The following RYR2 variants were observed in gnomAD, a reference collection of about 807,000 sequenced individuals.
RYR2 encodes cardiac muscle ryanodine receptor-calcium release channel.
In RYR2, 227 loss-of-function variants were observed where a neutral mutation model predicts 601.1. That is an observed-to-expected ratio of 0.38 (90% CI 0.34 to 0.42). RYR2 has a LOEUF of 0.42. Ranked by LOEUF, RYR2 falls within the 10% of genes least tolerant of loss-of-function variation. The pLI is 1.00. For synonymous variants in RYR2, 2,223 were observed against 2,175.1 expected (o/e 1.02, Z -0.61); for missense variants, 4,646 against 6,156.5 (o/e 0.75, Z 8.21).
intron 1 of RYR2, among the ~76,000 whole-genome samples, chr1:237,257,765 G>A (rs1417570431): frequency 6.6e-6 from 1 of 152,144 alleles, no homozygotes; most frequent in East Asian, 1.9e-4. Context: ...AAGGAAGGTA[G>A]GGTGAGAAGG....
At chr1:237,059,967 A>G (rs746142735) in intron 1 of RYR2, among the ~76,000 whole-genome samples, 24 of 152,180 alleles carry the variant, frequency 1.6e-4, no homozygotes, top group Non-Finnish European at 2.9e-4. Context: ...GTGTTTTAAA[A>G]TGGTTTCCAC....
At chr1:237,139,661 G>A (rs936682236) in intron 1 of RYR2, among the ~76,000 whole-genome samples, 15 of 152,138 alleles carry the variant, frequency 9.9e-5, no homozygotes, top group African/African-American at 3.6e-4. Context: ...TCTATCTCAT[G>A]GGTTCCTTTT....
At chr1:237,047,373 A>T (rs1401837381) in intron 1 of RYR2, among the ~76,000 whole-genome samples, 1 of 144,460 alleles carries the variant, frequency 6.9e-6, no homozygotes, top group Non-Finnish European at 1.5e-5. Flanking sequence ...CAAGATTGGA[A>T]TCCATCCTTT....
chr1:237,461,455 C>T (rs902479964), intron 16 of RYR2, among the ~76,000 whole-genome samples: 12 of 152,094 alleles, frequency 7.9e-5, no homozygotes, highest in African/African-American at 2.7e-4. Flanking sequence ...CTTTCACCAG[C>T]AACCAGATGT....
chr1:237,259,228 C>T (rs1031214967), intron 1 of RYR2, among the ~76,000 whole-genome samples: 2 of 152,184 alleles, frequency 1.3e-5, no homozygotes, highest in African/African-American at 4.8e-5. Context: ...TACTACTGGA[C>T]CAGGCATGGT....
At chr1:237,529,050 A>G (rs767398320) in intron 24 of RYR2, among the ~76,000 whole-genome samples, 2 of 152,154 alleles carry the variant, frequency 1.3e-5, no homozygotes, top group Non-Finnish European at 2.9e-5. Context: ...TACTATCATA[A>G]TTGCCTGTTG....
In RYR2 at chr1:237,610,077, C is replaced by T. The variant is rs77347263; in HGVS notation, c.4684-685C>T. ...TATGAGATAATGGTTTTCTTATGGT[C>T]CCATAAGAGGCAGGCATCGGTGTTG... On this transcript the variant is annotated intron_variant, in intron 35 of 104. Transcript: ENST00000366574. The surrounding 1 kb of genome is among the most constrained non-coding windows in gnomAD (Gnocchi z 4.9). Among the ~76,000 whole-genome samples, 4,657 of 152,020 alleles carry T rather than the reference C, an allele frequency of 0.031. 222 individuals are homozygous for T. Among genetic ancestry groups the T allele is most frequent in the African/African-American group, 0.1 (4,237 of 41,428 alleles).
At chr1:237,091,384 G>A (rs1666926545) in intron 1 of RYR2, among the ~76,000 whole-genome samples, 2 of 124,268 alleles carry the variant, frequency 1.6e-5, no homozygotes, top group South Asian at 5.3e-4. Context: ...TGTTGGTCTG[G>A]AATTCAAACT....
intron 10 of RYR2, among the ~76,000 whole-genome samples, chr1:237,389,623 A>G (rs1248454925): frequency 2.0e-5 from 3 of 152,192 alleles, no homozygotes; most frequent in African/African-American, 4.8e-5. Context: ...TTAGGGGAGA[A>G]CTAGACACAG....
chr1:237,245,067 A>G (rs1320640062), intron 1 of RYR2, among the ~76,000 whole-genome samples: 1 of 152,026 alleles, frequency 6.6e-6, no homozygotes, highest in Non-Finnish European at 1.5e-5. Context: ...AAATACTAAA[A>G]TTAGCTGGGT....
chr1:237,631,744 C>T (rs1417672728), intron 42 of RYR2, among the ~76,000 whole-genome samples: 1 of 149,866 alleles, frequency 6.7e-6, no homozygotes, highest in Non-Finnish European at 1.5e-5. Flanking sequence ...TCTCCTGCCT[C>T]AGCCTCCCGA....
At position 237,717,368 on chromosome 1, in the gene RYR2, G is replaced by A; in HGVS notation, c.10494G>A (p.Leu3498=). ...CTCTGGCCAAAAATCGATTTAGCCT[G>A]GTAAGTCTCCTTTTCATCCCAGCGG... is the stretch of plus-strand genomic sequence containing the variant. ...LIALAKNRFS[L]KDTEDEVRDI... Residue 3498 remains leucine (L), a splice_region_variant and synonymous_variant, in exon 72 of 105, where the codon CTG becomes CTA. Transcript: ENST00000366574. 1 of 1,597,556 alleles carries A rather than the reference G, an allele frequency of 6.3e-7. No individual in the cohort carries two copies. The highest frequency in any genetic ancestry group is 8.5e-7 in the Non-Finnish European group (1 of 1,170,612).
chr1:237,707,178 A>C lies in RYR2; in HGVS notation c.9810A>C (p.Ser3270=). The C allele has an allele frequency of 6.2e-7, 1 of 1,613,254 alleles. No individual in the cohort carries two copies. The highest frequency in any genetic ancestry group is 8.5e-7 in the Non-Finnish European group (1 of 1,179,314). ...RAEMCCTALN[S]EHMNTLLGNI... ...AGATGTGCTGCACAGCCCTGAACTC[A>C]GAGCACATGAACACACTTCTAGGGA... Residue 3270 remains serine, a synonymous_variant, in exon 68 of 105, where the codon TCA becomes TCC. Transcript: ENST00000366574.
intron 31 of RYR2, 46 bp downstream of exon 31, chr1:237,591,038 G>A (rs1285283255): frequency 6.5e-7 from 1 of 1,545,976 alleles, no homozygotes; most frequent in Non-Finnish European, 8.8e-7. Context: ...GTTATGTGAG[G>A]AAGGTTACAG....
intron 103 of RYR2, among the ~76,000 whole-genome samples, chr1:237,830,887 TG>T (rs1267358121): frequency 2.0e-5 from 3 of 152,142 alleles, no homozygotes; most frequent in African/African-American, 7.2e-5. Context: ...GCAGGGCCTC[TG>T]TGGGAGTCTT....
intron 88 of RYR2, among the ~76,000 whole-genome samples, chr1:237,779,028 G>A (rs943688757): frequency 2.0e-5 from 3 of 152,116 alleles, no homozygotes; most frequent in African/African-American, 7.2e-5. Flanking sequence ...GAATGTAATG[G>A]ACAAATGAAA....
intron 1 of RYR2, among the ~76,000 whole-genome samples, chr1:237,137,920 A>G (rs965483049): frequency 3.9e-5 from 6 of 152,212 alleles, no homozygotes; most frequent in African/African-American, 1.4e-4. Flanking sequence ...GACTCTCAAC[A>G]TGCTTACCCC....
chr1:237,781,012 T>A (rs1695059479), intron 88 of RYR2, among the ~76,000 whole-genome samples: 1 of 152,060 alleles, frequency 6.6e-6, no homozygotes, highest in Non-Finnish European at 1.5e-5. Context: ...GTTGTGGTTC[T>A]TTCATATTAT....
intron 1 of RYR2, among the ~76,000 whole-genome samples, chr1:237,170,746 T>A (rs576730806): frequency 3.0e-4 from 45 of 152,222 alleles, no homozygotes; most frequent in African/African-American, 1.1e-3. Flanking sequence ...TCAGCTATTG[T>A]GTTGTGGGGC....
Sources: gnomAD v4.1 joint callset for allele counts (sites outside exome capture counted in the v4.1 genomes callset) on GRCh38, gnomAD v4.1.1 for gene constraint, Gnocchi (gnomAD v3.1) non-coding constraint, MANE v1.5 for transcripts, NCBI Gene and HGNC (gene_info 2026-07-23, HGNC 2026-07-21) for gene names.